Variants in CBLN2 observed in about 807,000 individuals in gnomAD.
The protein encoded by CBLN2 is cerebellin-2.
CBLN2 carries 7 observed loss-of-function variants against 15.0 expected under a neutral mutation model. That is an observed-to-expected ratio of 0.47 (90% CI 0.27 to 0.88). The LOEUF is 0.88. Ranked by LOEUF, CBLN2 falls within the 40% of genes least tolerant of loss-of-function variation. The pLI, the probability that CBLN2 is intolerant of heterozygous loss-of-function variation, is 0.14. For missense variants in CBLN2, 242 were observed against 304.5 expected, an observed-to-expected ratio of 0.79 and a Z score of 1.53; for synonymous variants, 149 against 135.2, an observed-to-expected ratio of 1.10 and a Z score of -0.71.
intron 1 of CBLN2, among the ~76,000 whole-genome samples, chr18:72,600,685 G>C (rs968003688): frequency 1.3e-5 from 2 of 152,136 alleles, no homozygotes; most frequent in African/African-American, 2.4e-5. Flanking sequence ...AGTAAAGAAA[G>C]AGTTAAATTG....
At chr18:72,623,294 T>G (rs1020268793) in intron 1 of CBLN2, among the ~76,000 whole-genome samples, 1 of 152,114 alleles carries the variant, frequency 6.6e-6, no homozygotes, top group African/African-American at 2.4e-5. Flanking sequence ...GGTAAACACT[T>G]AATTGATTTC....
chr18:72,543,665 G>T lies in CBLN2; in HGVS notation c.-211-135C>A, dbSNP rs2069135493. The T allele has an allele frequency of 2.7e-6, 1 of 370,440 alleles. No homozygotes were observed. The allele number at this position is 370,440 out of a possible 1,614,324, so 22.9% of individuals were successfully genotyped here. A position where few individuals can be genotyped will look rare whatever the true frequency, so the allele number is the denominator to read the frequency against. On this transcript the variant is annotated intron_variant, in intron 1 of 4. Coordinates refer to ENST00000269503, the MANE Select transcript of CBLN2 (RefSeq NM_182511.4). The surrounding 1 kb of genome is among the most constrained non-coding windows in gnomAD (Gnocchi z 6.8). ...CGCGCCAGCCTGCGCCGCTTCAGGG[G>T]TGCACCACGCCCCGCGCGCCCGCTT...
At chr18:72,539,184 C>T (rs956593087) in intron 3 of CBLN2, 6 of 163,162 alleles carry the variant, frequency 3.7e-5, no homozygotes, top group Non-Finnish European at 8.0e-5. Flanking sequence ...AAAAAACGAA[C>T]AAACAAACAA....
chr18:72,595,827 A>G (rs1028073582), intron 1 of CBLN2, among the ~76,000 whole-genome samples: 4 of 152,038 alleles, frequency 2.6e-5, no homozygotes, highest in African/African-American at 7.2e-5. Context: ...TTTGTCTGAT[A>G]TAAGTATGGT....
chr18:72,540,289 C>T (rs1026607810), intron 3 of CBLN2: 10 of 152,166 alleles, frequency 6.6e-5, no homozygotes, highest in African/African-American at 1.7e-4. Context: ...TTTAGCCCTG[C>T]TGTAGATGAA....
intron 1 of CBLN2, among the ~76,000 whole-genome samples, chr18:72,591,556 T>A (rs917502368): frequency 8.5e-5 from 13 of 152,190 alleles, no homozygotes; most frequent in Non-Finnish European, 1.5e-4. Context: ...TATTGCTGAT[T>A]GTAGTCACCC....
At chr18:72,601,503 A>G (rs577978363) in intron 1 of CBLN2, among the ~76,000 whole-genome samples, 2 of 152,162 alleles carry the variant, frequency 1.3e-5, no homozygotes, top group African/African-American at 4.8e-5. Context: ...GCAGAGGAGA[A>G]GGTTTCCCAC....
At chr18:72,618,725 A>G in intron 1 of CBLN2, 1 of 718,920 alleles carries the variant, frequency 1.4e-6, no homozygotes, top group East Asian at 2.8e-5. Flanking sequence ...ATAATCTTTG[A>G]TGACCATGAC....
intron 1 of CBLN2, among the ~76,000 whole-genome samples, chr18:72,604,692 G>T (rs2069571991): frequency 6.6e-6 from 1 of 152,186 alleles, no homozygotes; most frequent in African/African-American, 2.4e-5. Flanking sequence ...AAAGGAGTAG[G>T]ACTGGTGGCT....
Position 72,616,100 on chromosome 18 carries a change from T to C in CBLN2, c.15+22225A>G, listed in dbSNP as rs946598080. 1.4e-4 allele frequency among the ~76,000 whole-genome samples: 22 copies of C among 152,302 alleles called. No individual in the cohort carries two copies. The East Asian group carries it at 3.3e-3, about 23-fold the overall frequency. On this transcript the variant is annotated intron_variant, in intron 1 of 2. Transcript: ENST00000581073. ...TGTTGAATTTTACCCGAGTCTTATG[T>C]TCCTGGAAAATAATCAAGGTTAAGA... is the stretch of plus-strand genomic sequence containing the variant.
chr18:72,615,074 T>C (rs1315428259), intron 1 of CBLN2, among the ~76,000 whole-genome samples: 1 of 138,014 alleles, frequency 7.2e-6, no homozygotes, highest in Non-Finnish European at 1.5e-5. Context: ...TATATTTATA[T>C]ATTATAGAAA....
chr18:72,633,461 A>T (rs1387708626), intron 1 of CBLN2, among the ~76,000 whole-genome samples: 5 of 152,196 alleles, frequency 3.3e-5, no homozygotes, highest in African/African-American at 1.2e-4. Flanking sequence ...TAGTAACAGG[A>T]TAGTAGCTAG....
intron 3 of CBLN2, chr18:72,540,424 T>C (rs557104375): frequency 6.6e-6 from 1 of 152,290 alleles, no homozygotes; most frequent in African/African-American, 2.4e-5. Flanking sequence ...CTACTACTTA[T>C]CCTGCCCTAC....
intron 1 of CBLN2, among the ~76,000 whole-genome samples, chr18:72,554,700 G>A (rs796961092): frequency 5.3e-5 from 8 of 151,794 alleles, no homozygotes; most frequent in African/African-American, 1.5e-4. Flanking sequence ...AGTTACATAC[G>A]ATCTCTAAAT....
At chr18:72,630,550 C>A (rs953291386) in intron 1 of CBLN2, among the ~76,000 whole-genome samples, 2 of 104,642 alleles carry the variant, frequency 1.9e-5, no homozygotes, top group African/African-American at 9.9e-5. Flanking sequence ...CTCCCCCCCA[C>A]ACACACACAC....
chr18:72,556,510 C>T (rs1041389922), intron 1 of CBLN2, among the ~76,000 whole-genome samples: 15 of 152,122 alleles, frequency 9.9e-5, no homozygotes, highest in Non-Finnish European at 1.9e-4. Context: ...AAGAAAATTC[C>T]TCCTGCACAC....
At chr18:72,583,178 T>C (rs1002104200) in intron 1 of CBLN2, among the ~76,000 whole-genome samples, 2 of 152,164 alleles carry the variant, frequency 1.3e-5, no homozygotes. Flanking sequence ...GCAGGCAAGT[T>C]TCTCCTTAAA....
intron 1 of CBLN2, among the ~76,000 whole-genome samples, chr18:72,592,958 CTT>C (rs1429485424): frequency 6.6e-6 from 1 of 151,968 alleles, no homozygotes; most frequent in East Asian, 1.9e-4. Flanking sequence ...CTCAGGATGA[CTT>C]TGTCTATTAT....
At position 72,537,366 on chromosome 18, in the gene CBLN2, T is replaced by A. The variant is rs2069071066; in HGVS notation, c.*810A>T. ...TACTTTGATAAACAGATACTTTTTG[T>A]TTAGTTTGGTCTCGTCTAAAACAAA... On this transcript the variant is annotated 3_prime_UTR_variant, in exon 5 of 5. Transcript: ENST00000269503. The A allele has an allele frequency of 6.6e-6, 1 of 152,242 alleles. No individual in the cohort carries two copies. Among genetic ancestry groups the A allele is most frequent in the Non-Finnish European group, 1.5e-5 (1 of 68,044 alleles). The allele number at this position is 152,242 out of a possible 1,614,324, so 9.4% of individuals were successfully genotyped here. A position where few individuals can be genotyped will look rare whatever the true frequency, so the allele number is the denominator to read the frequency against.
Sources: allele counts gnomAD v4.1 joint callset (sites outside exome capture counted in the v4.1 genomes callset), GRCh38; gene constraint gnomAD v4.1.1; non-coding constraint Gnocchi (gnomAD v3.1); transcripts MANE v1.5; gene names NCBI Gene and HGNC (gene_info 2026-07-23, HGNC 2026-07-21).